The following GDAP1 variants were observed in gnomAD, a reference collection of about 807,000 sequenced individuals.
GDAP1 encodes ganglioside induced differentiation associated protein 1, also known as ganglioside-induced differentiation-associated protein 1.
GDAP1 carries 34 observed loss-of-function variants against 40.1 expected under a neutral mutation model. The observed-to-expected ratio is 0.85, with a 90% CI of 0.64 to 1.13. The LOEUF (loss-of-function observed/expected upper bound fraction) is 1.13. Among genes scored for constraint, GDAP1 ranks in the 50% most tolerant of loss-of-function variants. The probability of loss-of-function intolerance (pLI) is 0.00; values close to 1 mark genes in which losing one functional copy is unlikely to be tolerated. For synonymous variants in GDAP1, 170 were observed against 157.4 expected, an observed-to-expected ratio of 1.08 and a Z score of -0.60; for missense variants, 374 against 433.7, an observed-to-expected ratio of 0.86 and a Z score of 1.22.
Position 74,376,350 on chromosome 8 carries a change from T to A in GDAP1, c.165+25029T>A, listed in dbSNP as rs928510808. ...GACACACTGGAGTTAGAGGGATCTT[T>A]TTTTTTTTTTTTTTTTGAGATGGAG... On this transcript the variant is annotated intron_variant, in intron 2 of 2. Transcript: ENST00000523640. Among the ~76,000 whole-genome samples, 32 of 147,868 alleles carry A rather than the reference T, an allele frequency of 2.2e-4. 1 individual carries two copies. The highest frequency in any genetic ancestry group is 7.5e-4 in the African/African-American group (30 of 39,810).
At chr8:74,428,429 T>C (rs2131563367) in intron 2 of GDAP1, among the ~76,000 whole-genome samples, 1 of 151,906 alleles carries the variant, frequency 6.6e-6, no homozygotes, top group South Asian at 2.1e-4. Flanking sequence ...GTCCACATTT[T>C]ACATGAAATG....
chr8:74,386,778 T>C (rs921431416), intron 2 of GDAP1, among the ~76,000 whole-genome samples: 1 of 152,206 alleles, frequency 6.6e-6, no homozygotes, highest in Non-Finnish European at 1.5e-5. Flanking sequence ...CTTTGGGCAG[T>C]ATGGCCATTT....
intron 2 of GDAP1, among the ~76,000 whole-genome samples, chr8:74,476,133 T>C (rs1275143912): frequency 6.6e-6 from 1 of 152,210 alleles, no homozygotes; most frequent in African/African-American, 2.4e-5. Flanking sequence ...TTCCTCTTGG[T>C]TGGCAGATTT....
At chr8:74,482,323 T>A (rs1306358395) in intron 2 of GDAP1, among the ~76,000 whole-genome samples, 2 of 152,194 alleles carry the variant, frequency 1.3e-5, no homozygotes, top group Admixed American at 1.3e-4. Context: ...AAATTATCCC[T>A]ATGCAAGGAT....
chr8:74,418,125 A>G (rs979686859), intron 2 of GDAP1, among the ~76,000 whole-genome samples: 1 of 152,234 alleles, frequency 6.6e-6, no homozygotes, highest in Non-Finnish European at 1.5e-5. Flanking sequence ...ACTGATTTGT[A>G]CATTTAATGC....
At chr8:74,464,544 G>A (rs1296928849) in intron 2 of GDAP1, among the ~76,000 whole-genome samples, 1 of 152,198 alleles carries the variant, frequency 6.6e-6, no homozygotes, top group Non-Finnish European at 1.5e-5. Flanking sequence ...GGAATAGTGT[G>A]GAAACTGAAA....
chr8:74,446,181 A>G (rs1806224376), intron 2 of GDAP1, among the ~76,000 whole-genome samples: 1 of 152,158 alleles, frequency 6.6e-6, no homozygotes, highest in Non-Finnish European at 1.5e-5. Flanking sequence ...TTGCACCACC[A>G]ATATTCTGGA....
At chr8:74,473,125 C>T (rs1021243576) in intron 2 of GDAP1, among the ~76,000 whole-genome samples, 13 of 151,532 alleles carry the variant, frequency 8.6e-5, no homozygotes, top group African/African-American at 3.2e-4. Flanking sequence ...GTTCTTTGCC[C>T]ACTTTTTAAT....
rs6472842 is a variant in GDAP1 at position 74,366,222 on chromosome 8, A to G, written c.*1855A>G. 134,482 of 453,828 alleles carry G rather than the reference A, an allele frequency of 0.3. 20,947 individuals carry two copies. Among genetic ancestry groups the G allele is most frequent in the Non-Finnish European group, 0.34 (76,440 of 226,634 alleles). The allele number at this position is 453,828 out of a possible 1,614,324, so 28.1% of individuals were successfully genotyped here. On this transcript the variant is annotated 3_prime_UTR_variant, in exon 6 of 6. Coordinates refer to ENST00000220822, the MANE Select transcript of GDAP1 (RefSeq NM_018972.4). The stretch of plus-strand genomic sequence containing the variant: ...ACGTTAAAGATAGTGGCAATTTCAT[A>G]TATTTCATGGATACTTGAGTTTGTG...
At chr8:74,477,404 CTTTCT>C (rs1174212262) in intron 2 of GDAP1, among the ~76,000 whole-genome samples, 1 of 151,602 alleles carries the variant, frequency 6.6e-6, no homozygotes, top group Non-Finnish European at 1.5e-5. Context: ...TGTGCTGGTT[CTTTCT>C]CATCTTTGTG....
intron 2 of GDAP1, among the ~76,000 whole-genome samples, chr8:74,464,668 A>T (rs911436974): frequency 1.3e-5 from 2 of 152,220 alleles, no homozygotes; most frequent in African/African-American, 4.8e-5. Flanking sequence ...TCTTGGCAGG[A>T]TGCCTTTGAG....
At chr8:74,434,321 A>G (rs1220511975) in intron 2 of GDAP1, among the ~76,000 whole-genome samples, 2 of 152,218 alleles carry the variant, frequency 1.3e-5, no homozygotes, top group East Asian at 3.8e-4. Context: ...TGACAGTGTC[A>G]GCCAGTTAAA....
At chr8:74,437,115 T>C (rs1041542484) in intron 2 of GDAP1, among the ~76,000 whole-genome samples, 1 of 152,130 alleles carries the variant, frequency 6.6e-6, no homozygotes, top group Non-Finnish European at 1.5e-5. Context: ...TGGAATAACA[T>C]CCAAATTATA....
intron 2 of GDAP1, among the ~76,000 whole-genome samples, chr8:74,373,574 A>G (rs1312268810): frequency 6.6e-6 from 1 of 152,200 alleles, no homozygotes; most frequent in Non-Finnish European, 1.5e-5. Flanking sequence ...TTATTAGTGT[A>G]TAAGAATGCT....
At chr8:74,404,859 C>G (rs542368460) in intron 2 of GDAP1, among the ~76,000 whole-genome samples, 1 of 149,860 alleles carries the variant, frequency 6.7e-6, no homozygotes, top group African/African-American at 2.6e-5. Flanking sequence ...CTCCCTCAAC[C>G]GCTGATACCA....
chr8:74,359,588 T>C (rs181356340), intron 2 of GDAP1, among the ~76,000 whole-genome samples: 1 of 152,344 alleles, frequency 6.6e-6, no homozygotes, highest in East Asian at 1.9e-4. Context: ...GGTTGGCACC[T>C]AGAAAAGAGT....
intron 2 of GDAP1, among the ~76,000 whole-genome samples, chr8:74,427,962 A>ATTTTCTTGGATATGTTTTGTTT (rs1420632145): frequency 6.6e-6 from 1 of 152,224 alleles, no homozygotes; most frequent in Non-Finnish European, 1.5e-5. Flanking sequence ...ATCCAAGAAT[A>ATTTTCTTGGATATGTTTTGTTT]TTTTTAAGAA....
chr8:74,481,200 A>C (rs930818041), intron 2 of GDAP1, among the ~76,000 whole-genome samples: 3 of 152,234 alleles, frequency 2.0e-5, no homozygotes, highest in Non-Finnish European at 4.4e-5. Flanking sequence ...TCTGTCACAG[A>C]CTAGCTGCCT....
chr8:74,366,040 A>G lies in GDAP1; in HGVS notation c.*1673A>G, dbSNP rs1308513606. The G allele has an allele frequency of 2.2e-6, 1 of 449,580 alleles. No individual in the cohort carries two copies. The highest frequency in any genetic ancestry group is 7.0e-5 in the East Asian group (1 of 14,380). 27.8% of individuals were successfully genotyped at this position (449,580 alleles called of 1,614,324 possible). A position where few individuals can be genotyped will look rare whatever the true frequency, so the allele number is the denominator to read the frequency against. On this transcript the variant is annotated 3_prime_UTR_variant, in exon 6 of 6. Transcript: ENST00000220822. ...GTGAAGAAATAAGAATTGGATTTTT[A>G]TAAAAACCTCTGAAGGATATTTACC... is the stretch of plus-strand genomic sequence containing the variant.
Sources: allele counts gnomAD v4.1 joint callset (sites outside exome capture counted in the v4.1 genomes callset), GRCh38; gene constraint gnomAD v4.1.1; transcripts MANE v1.5; gene names NCBI Gene and HGNC (gene_info 2026-07-23, HGNC 2026-07-21).